The following GRM7 variants were observed in gnomAD, a reference collection of about 807,000 sequenced individuals.
GRM7 encodes glutamate metabotropic receptor 7, also known as metabotropic glutamate receptor 7.
GRM7 carries 35 observed loss-of-function variants against 84.5 expected under a neutral mutation model. The ratio of observed to expected loss-of-function variants is 0.41; its 90% CI spans 0.32 to 0.55. The LOEUF is 0.55. GRM7 is among the 20% of genes least tolerant of loss of function. The probability of loss-of-function intolerance (pLI) is 0.19; values close to 1 mark genes in which losing one functional copy is unlikely to be tolerated. For missense variants in GRM7, 1,003 were observed against 1,194.6 expected, an observed-to-expected ratio of 0.84 and a Z score of 2.36; for synonymous variants, 487 against 455.1, an observed-to-expected ratio of 1.07 and a Z score of -0.89.
At chr3:7,454,881 T>C (rs1697939786) in intron 6 of GRM7, among the ~76,000 whole-genome samples, 2 of 152,142 alleles carry the variant, frequency 1.3e-5, no homozygotes, top group South Asian at 4.1e-4. Context: ...AGAGCAATGG[T>C]ACACTGGTAA....
intron 2 of GRM7, among the ~76,000 whole-genome samples, chr3:7,158,310 C>A (rs2125076371): frequency 6.6e-6 from 1 of 152,158 alleles, no homozygotes; most frequent in East Asian, 1.9e-4. Flanking sequence ...TTCTGTTTGG[C>A]CATTTAGTTA....
intron 2 of GRM7, among the ~76,000 whole-genome samples, chr3:7,288,902 A>G (rs968717838): frequency 6.6e-6 from 1 of 152,130 alleles, no homozygotes. Flanking sequence ...ACTGATTTGA[A>G]GTTTTCTGGA....
chr3:7,310,211 G>C (rs1280631185), intron 4 of GRM7, among the ~76,000 whole-genome samples: 2 of 152,130 alleles, frequency 1.3e-5, no homozygotes, highest in Non-Finnish European at 2.9e-5. Context: ...GTATAATGAA[G>C]GGTAGATTTT....
At chr3:7,261,061 GTT>G (rs551275516) in intron 2 of GRM7, among the ~76,000 whole-genome samples, 3 of 152,120 alleles carry the variant, frequency 2.0e-5, no homozygotes, top group Non-Finnish European at 4.4e-5. Flanking sequence ...GGTGGCAGAT[GTT>G]TCTCTTGGCT....
chr3:7,465,222 C>T (rs1698413715), intron 7 of GRM7, among the ~76,000 whole-genome samples: 1 of 152,164 alleles, frequency 6.6e-6, no homozygotes, highest in East Asian at 1.9e-4. Context: ...CAGGCACGCT[C>T]AGGTGGATGC....
chr3:7,562,407 A>G (rs766694473), intron 7 of GRM7, among the ~76,000 whole-genome samples: 2 of 151,966 alleles, frequency 1.3e-5, no homozygotes, highest in African/African-American at 2.4e-5. Context: ...CCTCTAAAAT[A>G]CTCTCAAATA....
chr3:7,430,997 C>T (rs936810932), intron 5 of GRM7, among the ~76,000 whole-genome samples: 3 of 152,096 alleles, frequency 2.0e-5, no homozygotes, highest in African/African-American at 7.2e-5. Context: ...GCATTACCCC[C>T]ACTGGACTTG....
chr3:7,375,660 G>C (rs1413677868), intron 4 of GRM7, among the ~76,000 whole-genome samples: 1 of 151,746 alleles, frequency 6.6e-6, no homozygotes, highest in Non-Finnish European at 1.5e-5. Flanking sequence ...TTTCTCTTTT[G>C]CTCCACCTCC....
intron 1 of GRM7, among the ~76,000 whole-genome samples, chr3:7,076,817 A>T (rs6779073): frequency 0.15 from 22,831 of 152,082 alleles, 2,871 homozygotes; most frequent in African/African-American, 0.35. Context: ...GGAGAAAATT[A>T]TTGCAATCTA....
At chr3:6,978,089 T>G (rs1429985753) in intron 1 of GRM7, among the ~76,000 whole-genome samples, 3 of 152,082 alleles carry the variant, frequency 2.0e-5, no homozygotes, top group African/African-American at 7.2e-5. Context: ...AATTAAGGAT[T>G]TTGAAGTGAG....
At chr3:7,270,975 C>A (rs1413800378) in intron 2 of GRM7, among the ~76,000 whole-genome samples, 1 of 152,144 alleles carries the variant, frequency 6.6e-6, no homozygotes, top group South Asian at 2.1e-4. Context: ...TTGAAGTAAT[C>A]TCTGGAATTT....
chr3:7,210,158 G>C (rs1363305964), intron 2 of GRM7, among the ~76,000 whole-genome samples: 1 of 152,106 alleles, frequency 6.6e-6, no homozygotes, highest in African/African-American at 2.4e-5. Context: ...CATGGTAATG[G>C]GCAGTGGCTT....
chr3:7,205,659 AG>A (rs1248204461), intron 2 of GRM7, among the ~76,000 whole-genome samples: 1 of 152,242 alleles, frequency 6.6e-6, no homozygotes, highest in Admixed American at 6.5e-5. Flanking sequence ...AAAGCTGTTC[AG>A]TACAGTGTCT....
intron 8 of GRM7, among the ~76,000 whole-genome samples, chr3:7,593,891 C>G (rs1026270846): frequency 5.9e-5 from 9 of 151,896 alleles, no homozygotes; most frequent in African/African-American, 2.2e-4. Flanking sequence ...TCCCAAGCAC[C>G]TGCACATTTG....
At chr3:6,985,416 T>C (rs1044331513) in intron 1 of GRM7, among the ~76,000 whole-genome samples, 12 of 152,152 alleles carry the variant, frequency 7.9e-5, no homozygotes, top group Non-Finnish European at 1.8e-4. Context: ...AGTTCATTGC[T>C]TTGATTTTTA....
At chr3:7,665,835 T>C (rs1288436753) in intron 8 of GRM7, among the ~76,000 whole-genome samples, 1 of 152,218 alleles carries the variant, frequency 6.6e-6, no homozygotes, top group African/African-American at 2.4e-5. Context: ...TCTATGTGTA[T>C]TTAAGACTCT....
chr3:7,118,739 C>G (rs1295097400), intron 1 of GRM7, among the ~76,000 whole-genome samples: 1 of 151,940 alleles, frequency 6.6e-6, no homozygotes, highest in African/African-American at 2.4e-5. Context: ...GCCAGTGCCT[C>G]TGGAAACTTC....
intron 1 of GRM7, among the ~76,000 whole-genome samples, chr3:7,069,651 T>G (rs958975304): frequency 2.6e-5 from 4 of 152,110 alleles, no homozygotes; most frequent in African/African-American, 9.7e-5. Context: ...CATATGTCCA[T>G]ACACAGTAGG....
intron 9 of GRM7, among the ~76,000 whole-genome samples, chr3:7,703,914 G>A (rs549341341): frequency 6.6e-6 from 1 of 152,252 alleles, no homozygotes; most frequent in Admixed American, 6.5e-5. Flanking sequence ...GAATGAAACT[G>A]TCCCTTCATA....
Sources: allele counts gnomAD v4.1 joint callset (sites outside exome capture counted in the v4.1 genomes callset), GRCh38; gene constraint gnomAD v4.1.1; transcripts MANE v1.5; gene names NCBI Gene and HGNC (gene_info 2026-07-23, HGNC 2026-07-21).